SHB: variants seen among roughly 807,000 people sequenced by gnomAD.
SHB encodes the protein SH2 domain-containing adapter protein B.
In SHB, 20 loss-of-function variants were observed where a neutral mutation model predicts 52.3. The observed-to-expected ratio is 0.38, with a 90% confidence interval of 0.27 to 0.56. SHB has a LOEUF of 0.56. Among genes scored for constraint, SHB ranks in the 20% least tolerant of loss-of-function variants. SHB has a pLI of 0.71. For synonymous variants in SHB, 397 were observed against 316.5 expected (o/e 1.25, Z -2.70); for missense variants, 825 against 723.3 (o/e 1.14, Z -1.61).
At chr9:38,049,213 C>T (rs1039357667) in intron 1 of SHB, among the ~76,000 whole-genome samples, 74 of 152,268 alleles carry the variant, frequency 4.9e-4, no homozygotes, top group African/African-American at 1.7e-3. Context: ...TGTAGAGATG[C>T]GGTCTCCCTA....
intron 3 of SHB, among the ~76,000 whole-genome samples, chr9:37,962,703 C>G (rs889477144): frequency 2.8e-4 from 42 of 151,680 alleles, no homozygotes; most frequent in Non-Finnish European, 4.4e-5. Context: ...GTAGAGGTGG[C>G]CTCTCGCTAT....
chr9:37,994,699 T>TATAC (rs1230469192), intron 2 of SHB, among the ~76,000 whole-genome samples: 1 of 152,254 alleles, frequency 6.6e-6, no homozygotes, highest in East Asian at 1.9e-4. Flanking sequence ...ATATGAGGAA[T>TATAC]ATACATAGAG....
chr9:38,041,287 G>C (rs1037899734), intron 1 of SHB, among the ~76,000 whole-genome samples: 1 of 152,138 alleles, frequency 6.6e-6, no homozygotes, highest in South Asian at 2.1e-4. Context: ...CCATGCACAC[G>C]CACCGGTGAA....
chr9:37,929,436 AG>A (rs760932833), intron 5 of SHB, among the ~76,000 whole-genome samples: 8 of 152,228 alleles, frequency 5.3e-5, no homozygotes, highest in Non-Finnish European at 1.0e-4. Context: ...TGCAGGACTC[AG>A]GGTCCTGGCG....
At chr9:37,964,568 T>C (rs1241535137) in intron 3 of SHB, among the ~76,000 whole-genome samples, 1 of 152,064 alleles carries the variant, frequency 6.6e-6, no homozygotes, top group Non-Finnish European at 1.5e-5. Context: ...TTGTCATAAC[T>C]CATTATGCAG....
At chr9:37,964,682 C>A (rs571513380) in intron 3 of SHB, among the ~76,000 whole-genome samples, 11 of 152,274 alleles carry the variant, frequency 7.2e-5, no homozygotes, top group Admixed American at 7.2e-4. Flanking sequence ...AGGCCCCTAA[C>A]AAGTTCAGCA....
intron 5 of SHB, among the ~76,000 whole-genome samples, chr9:37,923,359 G>C (rs1447235944): frequency 1.3e-5 from 2 of 152,214 alleles, no homozygotes; most frequent in Non-Finnish European, 2.9e-5. Flanking sequence ...ACAATGTGTG[G>C]CACCCACACA....
At chr9:37,935,664 C>A (rs1564082482) in intron 5 of SHB, among the ~76,000 whole-genome samples, 1 of 152,010 alleles carries the variant, frequency 6.6e-6, no homozygotes, top group African/African-American at 2.4e-5. Flanking sequence ...TATTACTCTC[C>A]CCATTGTACA....
intron 4 of SHB, 79 bp from the exon 5 acceptor site, chr9:37,948,833 A>T: frequency 6.4e-7 from 1 of 1,565,294 alleles, no homozygotes; most frequent in East Asian, 2.3e-5. Flanking sequence ...GAGACTCAGC[A>T]CCCGCAGAGA....
At chr9:38,022,388 G>A (rs1381623988) in intron 1 of SHB, among the ~76,000 whole-genome samples, 2 of 152,156 alleles carry the variant, frequency 1.3e-5, no homozygotes, top group Non-Finnish European at 2.9e-5. Context: ...CTAAAAATGC[G>A]GTTTGGTGTG....
At position 37,920,020 on chromosome 9, in the gene SHB, AGAGT is replaced by A. The variant is rs779548159; in HGVS notation, c.1347-20_1347-17del. 1.9e-5 allele frequency: 30 copies of A among 1,608,382 alleles called. No individual in the cohort carries two copies. The South Asian group carries it at 2.1e-4, about 11-fold the overall frequency. On this transcript the variant is annotated splice_polypyrimidine_tract_variant and intron_variant, in intron 5 of 5. Transcript: ENST00000377707. ...CTGGTTGCTCCTGTGAACAAAACACAGAGTTATCAGAACTACCCCCCTGACACTC... is the reference window on the plus strand; with the variant it reads ...CTGGTTGCTCCTGTGAACAAAACACATATCAGAACTACCCCCCTGACACTC...
At chr9:38,006,317 G>A (rs778361598) in intron 2 of SHB, among the ~76,000 whole-genome samples, 4 of 152,176 alleles carry the variant, frequency 2.6e-5, no homozygotes, top group African/African-American at 4.8e-5. Context: ...ACTCCCAGGC[G>A]GGCCTGTTTT....
At chr9:38,018,893 A>C (rs1004905618) in intron 1 of SHB, among the ~76,000 whole-genome samples, 3 of 152,240 alleles carry the variant, frequency 2.0e-5, no homozygotes, top group Admixed American at 6.5e-5. Context: ...TTTTGAGCTA[A>C]AAGAAAGAGA....
intron 4 of SHB, among the ~76,000 whole-genome samples, chr9:37,954,080 C>T (rs994199669): frequency 1.3e-5 from 2 of 152,134 alleles, no homozygotes; most frequent in African/African-American, 4.8e-5. Context: ...GGACGCACGC[C>T]GAACATCTGT....
At chr9:37,996,302 C>T (rs897564109) in intron 2 of SHB, among the ~76,000 whole-genome samples, 2 of 152,200 alleles carry the variant, frequency 1.3e-5, no homozygotes, top group Non-Finnish European at 2.9e-5. Context: ...CTGTTTCTCG[C>T]CTGGATCATA....
In SHB at chr9:37,916,930, G is replaced by A. The variant is rs528731537; in HGVS notation, c.*2891C>T. Among the ~76,000 whole-genome samples the A allele has an allele frequency of 6.6e-6, 1 of 152,192 alleles. No individual in the cohort carries two copies. The highest frequency in any genetic ancestry group is 2.1e-4 in the South Asian group (1 of 4,828). ...GACACAGAAACAGCCGCTAGTGCTG[G>A]AGGTTCTCAGACAAAATGCCGAGGG... is the stretch of plus-strand genomic sequence containing the variant. On this transcript the variant is annotated 3_prime_UTR_variant, in exon 6 of 6. Transcript: ENST00000377707.
intron 5 of SHB, among the ~76,000 whole-genome samples, chr9:37,937,656 T>G (rs936915776): frequency 5.9e-5 from 9 of 152,172 alleles, no homozygotes; most frequent in African/African-American, 2.2e-4. Flanking sequence ...CAACAAAACC[T>G]CATTTTATAG....
chr9:38,003,432 GC>G (rs1021538259), intron 2 of SHB, among the ~76,000 whole-genome samples: 1 of 151,768 alleles, frequency 6.6e-6, no homozygotes, highest in African/African-American at 2.4e-5. Flanking sequence ...AGCAGAATGG[GC>G]CACATCCTCC....
intron 2 of SHB, among the ~76,000 whole-genome samples, chr9:37,994,604 C>G (rs1030855037): frequency 6.6e-6 from 1 of 152,146 alleles, no homozygotes; most frequent in Non-Finnish European, 1.5e-5. Flanking sequence ...ATATTAATAT[C>G]AATTTCATGG....
Sources: gnomAD v4.1 joint callset for allele counts (sites outside exome capture counted in the v4.1 genomes callset) on GRCh38, gnomAD v4.1.1 for gene constraint, MANE v1.5 for transcripts, NCBI Gene and HGNC (gene_info 2026-07-23, HGNC 2026-07-21) for gene names.